ZC4H2: variants seen among roughly 807,000 people sequenced by gnomAD.
ZC4H2 encodes zinc finger C4H2 domain-containing protein.
For synonymous variants in ZC4H2, 84 were observed against 66.3 expected, an observed-to-expected ratio of 1.27 and a Z score of -1.30; for missense variants, 137 against 173.9, an observed-to-expected ratio of 0.79 and a Z score of 1.19.
rs760530829 is a variant in ZC4H2, at chrX:64,937,175, CA to C, written c.54-15188del. 2.7e-5 allele frequency among the ~76,000 whole-genome samples: 3 copies of C among 110,081 alleles called. No individual in the cohort carries two copies. The South Asian group carries it at 1.2e-3, about 43-fold the overall frequency. On this transcript the variant is annotated intron_variant, in intron 1 of 4. Coordinates refer to ENST00000374839, the MANE Select transcript of ZC4H2 (RefSeq NM_018684.4). ...TAACCTGTTGGTTGTGTTTGTTGGT[CA>C]AAAGAGACAAAGAAGGGCATTACAT...
intron 1 of ZC4H2, among the ~76,000 whole-genome samples, chrX:64,950,770 C>T (rs1485864636): frequency 9.0e-6 from 1 of 110,816 alleles, no homozygotes; most frequent in African/African-American, 3.3e-5. Flanking sequence ...TTCCTGAATA[C>T]AGCACACTGA....
intron 1 of ZC4H2, among the ~76,000 whole-genome samples, chrX:64,934,769 G>A (rs1929916446): frequency 8.9e-6 from 1 of 111,749 alleles, no homozygotes; most frequent in African/African-American, 3.3e-5. Context: ...GCCAAGGGAA[G>A]CCATTAGGGA....
In ZC4H2 at chrX:64,976,424, A is replaced by T. The variant is rs769358401; in HGVS notation, c.-47T>A. The T allele has an allele frequency of 1.9e-5, 22 of 1,160,997 alleles. No homozygotes were observed. The highest frequency in any genetic ancestry group is 2.5e-5 in the Non-Finnish European group (21 of 850,911). On this transcript the variant is annotated 5_prime_UTR_variant, in exon 1 of 5. Transcript: ENST00000374839. ...GTCCCGAGAGATGTACAAATACACC[A>T]GCCAAGGGATACAATAGACACAATG...
chrX:64,987,553 A>T lies in ZC4H2; in HGVS notation c.-272+47076T>A, dbSNP rs1226693643. Among the ~76,000 whole-genome samples, 6 of 108,689 alleles carry T rather than the reference A, an allele frequency of 5.5e-5. No individual in the cohort carries two copies. The East Asian group carries it at 1.4e-3, about 26-fold the overall frequency. 94.4% of individuals were successfully genotyped at this position (108,689 alleles called of 115,157 possible). On this transcript the variant is annotated intron_variant, in intron 1 of 4. Coordinates refer to the ZC4H2 transcript ENST00000337990. ...AGTGAGTATCTGTTAGGAAAAAAAAATTTTACTCAAAAGACCTCATATCTT... is the reference window on the plus strand; with the variant it reads ...AGTGAGTATCTGTTAGGAAAAAAAATTTTTACTCAAAAGACCTCATATCTT...
intron 1 of ZC4H2, among the ~76,000 whole-genome samples, chrX:64,994,667 T>C (rs1932377128): frequency 9.0e-6 from 1 of 111,455 alleles, no homozygotes; most frequent in African/African-American, 3.3e-5. Context: ...TGCTTGGCTT[T>C]TTTATTTACT....
intron 1 of ZC4H2, among the ~76,000 whole-genome samples, chrX:65,026,578 G>C (rs1403683237): frequency 9.0e-6 from 1 of 110,721 alleles, no homozygotes; most frequent in Non-Finnish European, 1.9e-5. Flanking sequence ...GCGTGGTGGT[G>C]GACGCCTGTA....
At chrX:64,949,878 G>C (rs904992474) in intron 1 of ZC4H2, among the ~76,000 whole-genome samples, 1 of 111,027 alleles carries the variant, frequency 9.0e-6, no homozygotes, top group Non-Finnish European at 1.9e-5. Context: ...GTTATTTCTT[G>C]CCTTCTGCTA....
intron 1 of ZC4H2, among the ~76,000 whole-genome samples, chrX:64,976,063 A>C (rs1931937445): frequency 9.0e-6 from 1 of 111,147 alleles, no homozygotes; most frequent in Non-Finnish European, 1.9e-5. Flanking sequence ...CAGAGCCCTG[A>C]CCTCCACCTC....
chrX:64,939,705 G>T (rs140066074), intron 1 of ZC4H2, among the ~76,000 whole-genome samples: 1 of 112,014 alleles, frequency 8.9e-6, no homozygotes, highest in Non-Finnish European at 1.9e-5. Flanking sequence ...TTAATAAATG[G>T]TGTTGGCAAA....
intron 1 of ZC4H2, among the ~76,000 whole-genome samples, chrX:64,957,156 C>T (rs1261629982): frequency 8.9e-6 from 1 of 112,444 alleles, no homozygotes; most frequent in Non-Finnish European, 1.9e-5. Flanking sequence ...AGCCATAGTT[C>T]AACCACTCAT....
intron 1 of ZC4H2, among the ~76,000 whole-genome samples, chrX:64,946,162 A>C (rs1246691336): frequency 9.0e-6 from 1 of 110,598 alleles, no homozygotes; most frequent in South Asian, 3.9e-4. Flanking sequence ...AAAACAAAAC[A>C]AAAAAAACCT....
At chrX:64,936,226 A>G (rs1930004667) in intron 1 of ZC4H2, among the ~76,000 whole-genome samples, 1 of 110,382 alleles carries the variant, frequency 9.1e-6, no homozygotes. Flanking sequence ...TTAGAGAAAA[A>G]AGAATAAAGA....
At chrX:64,966,699 C>G (rs1280018530) in intron 1 of ZC4H2, among the ~76,000 whole-genome samples, 2 of 111,264 alleles carry the variant, frequency 1.8e-5, no homozygotes, top group Non-Finnish European at 3.8e-5. Flanking sequence ...AAGGCAGACC[C>G]AAAAGGCCAC....
At chrX:65,017,922 T>G (rs1446595362) in intron 1 of ZC4H2, among the ~76,000 whole-genome samples, 1 of 112,231 alleles carries the variant, frequency 8.9e-6, no homozygotes, top group Non-Finnish European at 1.9e-5. Context: ...TTGTGCTAAC[T>G]GTGTAGTGTC....
At chrX:64,968,699 AG>A (rs1193444379) in intron 1 of ZC4H2, among the ~76,000 whole-genome samples, 2 of 111,743 alleles carry the variant, frequency 1.8e-5, no homozygotes, top group Non-Finnish European at 3.8e-5. Flanking sequence ...CAGGGTTTTC[AG>A]GGTACTTTAG....
At chrX:64,991,986 A>C (rs1341806522) in intron 1 of ZC4H2, among the ~76,000 whole-genome samples, 2 of 111,692 alleles carry the variant, frequency 1.8e-5, no homozygotes, top group African/African-American at 3.3e-5. Context: ...ATAGAGACAG[A>C]GAGTAAATTA....
At chrX:64,927,616 C>T (rs1929487700) in intron 1 of ZC4H2, among the ~76,000 whole-genome samples, 1 of 111,891 alleles carries the variant, frequency 8.9e-6, no homozygotes, top group South Asian at 3.7e-4. Flanking sequence ...CTTTATAGTA[C>T]AATGATTTAT....
At chrX:64,985,522 G>C (rs1932167633) in intron 1 of ZC4H2, among the ~76,000 whole-genome samples, 2 of 111,248 alleles carry the variant, frequency 1.8e-5, no homozygotes, top group African/African-American at 6.5e-5. Flanking sequence ...GCTGTCCTAG[G>C]GGCTGGAGAT....
chrX:65,000,265 T>A (rs1932510437), intron 1 of ZC4H2, among the ~76,000 whole-genome samples: 2 of 111,915 alleles, frequency 1.8e-5, no homozygotes, highest in Non-Finnish European at 3.8e-5. Flanking sequence ...CAATCTTTGC[T>A]CTTCCGCAGC....
Sources: allele counts gnomAD v4.1 joint callset (sites outside exome capture counted in the v4.1 genomes callset), GRCh38; gene constraint gnomAD v4.1.1; transcripts MANE v1.5; gene names NCBI Gene and HGNC (gene_info 2026-07-23, HGNC 2026-07-21).